The following DCAKD variants were observed in gnomAD, a reference collection of about 807,000 sequenced individuals.
The protein encoded by DCAKD is dephospho-CoA kinase domain containing, also known as dephospho-CoA kinase domain-containing protein.
In DCAKD, 15 loss-of-function variants were observed where a neutral mutation model predicts 18.7. The observed-to-expected ratio is 0.80, with a 90% CI of 0.54 to 1.24. The LOEUF (loss-of-function observed/expected upper bound fraction) is 1.24, where lower values mean the gene tolerates loss of function less well. Ranked by LOEUF, DCAKD falls within the 50% of genes most tolerant of loss-of-function variation. The probability of loss-of-function intolerance (pLI) is 0.00; values close to 1 mark genes in which losing one functional copy is unlikely to be tolerated. For missense variants in DCAKD, 301 were observed against 322.0 expected (o/e 0.93, Z 0.50); for synonymous variants, 130 against 133.0 (o/e 0.98, Z 0.16).
chr17:45,061,038 G>C, exon 1 of DCAKD: 4 of 1,189,770 alleles, frequency 3.4e-6, no homozygotes, highest in Non-Finnish European at 4.2e-6. Context: ...CATCATGCCA[G>C]GCGGCCGCCC....
At chr17:45,060,402 A>G (rs6503412) in intron 1 of DCAKD, among the ~76,000 whole-genome samples, 77,491 of 151,912 alleles carry the variant, frequency 0.51, 20,200 homozygotes, top group Middle Eastern at 0.59. Context: ...GCTCATGCCT[A>G]TAGTCCTAGG....
chr17:45,043,420 G>A (rs1427501990), intron 1 of DCAKD, among the ~76,000 whole-genome samples: 2 of 152,190 alleles, frequency 1.3e-5, no homozygotes, highest in African/African-American at 4.8e-5. Context: ...ACTTAAGGGT[G>A]TATGTATGTC....
chr17:45,026,478 G>A (rs979186854), intron 4 of DCAKD: 16 of 329,112 alleles, frequency 4.9e-5, no homozygotes, highest in Non-Finnish European at 6.1e-5. Flanking sequence ...TGCCTGCCTC[G>A]GCCTCCCAAA....
At chr17:45,057,141 T>G (rs1270928043) in intron 1 of DCAKD, among the ~76,000 whole-genome samples, 2 of 151,924 alleles carry the variant, frequency 1.3e-5, no homozygotes, top group Non-Finnish European at 2.9e-5. Flanking sequence ...GATCCTGGGT[T>G]CCAGCGATCC....
At chr17:45,049,128 T>C (rs1220748543) in intron 1 of DCAKD, among the ~76,000 whole-genome samples, 1 of 151,538 alleles carries the variant, frequency 6.6e-6, no homozygotes, top group African/African-American at 2.4e-5. Flanking sequence ...GGAAACAAAG[T>C]GGAAATATGA....
chr17:45,031,874 A>G, intron 3 of DCAKD: 1 of 985,390 alleles, frequency 1.0e-6, no homozygotes, highest in Non-Finnish European at 1.2e-6. Context: ...ACCAACTTTG[A>G]CAGTTGTATT....
intron 1 of DCAKD, among the ~76,000 whole-genome samples, chr17:45,059,234 C>T (rs989888121): frequency 2.0e-5 from 3 of 151,186 alleles, no homozygotes; most frequent in African/African-American, 4.9e-5. Flanking sequence ...AGCAAGAGAG[C>T]GAGACTCCGT....
intron 4 of DCAKD, among the ~76,000 whole-genome samples, chr17:45,028,524 C>T (rs1445955355): frequency 6.6e-6 from 1 of 151,530 alleles, no homozygotes; most frequent in Non-Finnish European, 1.5e-5. Context: ...ATTCTCCTGC[C>T]TCAGCCTCCC....
intron 3 of DCAKD, chr17:45,033,861 T>A: frequency 7.9e-7 from 1 of 1,261,766 alleles, no homozygotes; most frequent in Non-Finnish European, 1.0e-6. Flanking sequence ...AGGGTTGGGA[T>A]TTGAACTCAG....
upstream of DCAKD, among the ~76,000 whole-genome samples, chr17:45,053,125 C>G (rs1289991520): frequency 7.6e-6 from 1 of 131,538 alleles, no homozygotes; most frequent in Non-Finnish European, 1.5e-5. Context: ...GATCCGGTCA[C>G]TGCACTCCAG....
intron 1 of DCAKD, among the ~76,000 whole-genome samples, chr17:45,041,073 C>T (rs1406150927): frequency 6.6e-6 from 1 of 152,162 alleles, no homozygotes; most frequent in Non-Finnish European, 1.5e-5. Context: ...CTGACCACTC[C>T]AGTAGCCTCA....
chr17:45,033,913 C>T (rs1349299684), intron 3 of DCAKD: 2 of 1,447,440 alleles, frequency 1.4e-6, no homozygotes, highest in East Asian at 2.8e-5. Context: ...TACTCCCATC[C>T]CTACTAGAAA....
At chr17:45,052,700 A>C (rs1342169927), upstream of DCAKD, among the ~76,000 whole-genome samples, 2 of 151,714 alleles carry the variant, frequency 1.3e-5, no homozygotes, top group Non-Finnish European at 1.5e-5. Flanking sequence ...CTCTACAAAA[A>C]AAAAAAACAA....
At chr17:45,025,207 A>T (rs1456912661) in intron 4 of DCAKD, among the ~76,000 whole-genome samples, 3 of 151,958 alleles carry the variant, frequency 2.0e-5, no homozygotes, top group African/African-American at 7.3e-5. Flanking sequence ...CTGGGTCTTC[A>T]GTATCAAAAA....
upstream of DCAKD, among the ~76,000 whole-genome samples, chr17:45,056,520 T>C (rs77257680): frequency 3.3e-5 from 5 of 151,920 alleles, no homozygotes; most frequent in Non-Finnish European, 5.9e-5. Context: ...GTCGCCCAGG[T>C]TGGAGTGCAA....
Position 45,024,292 on chromosome 17 carries a change from T to G in DCAKD, c.*141A>C. 2 of 388,370 alleles carry G rather than the reference T, an allele frequency of 5.1e-6. No individual in the cohort carries two copies. The highest frequency in any genetic ancestry group is 8.6e-6 in the Non-Finnish European group (2 of 233,788). The allele number at this position is 388,370 out of a possible 1,614,324, so 24.1% of individuals were successfully genotyped here. A position where few individuals can be genotyped will look rare whatever the true frequency, so the allele number is the denominator to read the frequency against. On this transcript the variant is annotated 3_prime_UTR_variant, in exon 5 of 5. Coordinates refer to ENST00000651974, the MANE Select transcript of DCAKD (RefSeq NM_001288655.2). ...AGCCCTGATTCGGAGAGTCCGTGTG[T>G]GTGTGTGTGTGTGTGTGTGTGTGTG...
At chr17:45,036,620 G>A (rs1416933625) in intron 1 of DCAKD, among the ~76,000 whole-genome samples, 1 of 151,940 alleles carries the variant, frequency 6.6e-6, no homozygotes, top group African/African-American at 2.4e-5. Context: ...GATACAGGGT[G>A]AAAAGTAGGA....
intron 1 of DCAKD, among the ~76,000 whole-genome samples, chr17:45,036,136 C>T (rs2053292477): frequency 6.6e-6 from 1 of 152,210 alleles, no homozygotes; most frequent in African/African-American, 2.4e-5. Context: ...CACCCAGCTC[C>T]TCCACTCACA....
chr17:45,024,871 G>A (rs2053021936), intron 4 of DCAKD, 147 bp from the exon 5 acceptor site: 2 of 1,044,082 alleles, frequency 1.9e-6, no homozygotes, highest in Non-Finnish European at 2.6e-6. Flanking sequence ...GGGCTACTTA[G>A]GGTCCCACAG....
Sources: gnomAD v4.1 joint callset for allele counts (sites outside exome capture counted in the v4.1 genomes callset) on GRCh38, gnomAD v4.1.1 for gene constraint, MANE v1.5 for transcripts, NCBI Gene and HGNC (gene_info 2026-07-23, HGNC 2026-07-21) for gene names.